TRAK1: variants seen among roughly 807,000 people sequenced by gnomAD.
The protein encoded by TRAK1 is trafficking kinesin protein 1.
In TRAK1, 33 loss-of-function variants were observed where a neutral mutation model predicts 92.1. The ratio of observed to expected loss-of-function variants is 0.36; its 90% CI spans 0.27 to 0.48. The LOEUF (loss-of-function observed/expected upper bound fraction) is 0.48. Among genes scored for constraint, TRAK1 ranks in the 20% least tolerant of loss-of-function variants. TRAK1 has a pLI of 0.99. For synonymous variants in TRAK1, 521 were observed against 517.3 expected (o/e 1.01, Z -0.10); for missense variants, 1,123 against 1,257.9 (o/e 0.89, Z 1.62).
At chr3:42,208,088 C>T (rs914906157) in intron 13 of TRAK1, among the ~76,000 whole-genome samples, 2 of 152,174 alleles carry the variant, frequency 1.3e-5, no homozygotes, top group Admixed American at 1.3e-4. Context: ...TTGAGAACAC[C>T]GCTCTAGATG....
chr3:42,156,999 C>G (rs1206828023), intron 2 of TRAK1, among the ~76,000 whole-genome samples: 1 of 151,542 alleles, frequency 6.6e-6, no homozygotes, highest in Non-Finnish European at 1.5e-5. Context: ...ACTAAAAATA[C>G]AAAATTAGCC....
intron 15 of TRAK1, 108 bp from the exon 16 acceptor site, chr3:42,222,834 C>T: frequency 2.5e-6 from 3 of 1,179,704 alleles, no homozygotes; most frequent in Non-Finnish European, 1.2e-6. Context: ...GGAACCCTCT[C>T]ATCGTGTCCT....
At chr3:42,163,654 T>G (rs35966635) in intron 2 of TRAK1, among the ~76,000 whole-genome samples, 14,766 of 151,958 alleles carry the variant, frequency 0.097, 883 homozygotes, top group Non-Finnish European at 0.13. Context: ...CCAAGCAAGC[T>G]GGGTTTTAAC....
intron 1 of TRAK1, among the ~76,000 whole-genome samples, chr3:42,072,248 GTCTC>G (rs1703962883): frequency 6.6e-6 from 1 of 152,120 alleles, no homozygotes; most frequent in Non-Finnish European, 1.5e-5. Context: ...TGGGAGTGCT[GTCTC>G]TCTCGGGAGT....
chr3:42,201,541 T>C (rs1038695632), intron 12 of TRAK1, among the ~76,000 whole-genome samples: 9 of 152,128 alleles, frequency 5.9e-5, no homozygotes, highest in African/African-American at 1.9e-4. Flanking sequence ...TGATATGATA[T>C]TTTAATCAGC....
intron 1 of TRAK1, among the ~76,000 whole-genome samples, chr3:42,014,730 C>T (rs575282877): frequency 2.6e-5 from 4 of 152,026 alleles, no homozygotes; most frequent in Admixed American, 6.5e-5. Context: ...TTTTAGAACC[C>T]GTGGCTGCAC....
chr3:42,165,911 C>A (rs1701805057), intron 2 of TRAK1, among the ~76,000 whole-genome samples: 1 of 152,076 alleles, frequency 6.6e-6, no homozygotes, highest in Non-Finnish European at 1.5e-5. Flanking sequence ...CCAAGGCTGG[C>A]CATGGACAAA....
chr3:42,096,035 C>A (rs1486807038), intron 1 of TRAK1, among the ~76,000 whole-genome samples: 1 of 152,176 alleles, frequency 6.6e-6, no homozygotes, highest in East Asian at 1.9e-4. Flanking sequence ...ACTTGTCAGT[C>A]CCCAAAGCTG....
At position 42,191,539 on chromosome 3, in the gene TRAK1, A is replaced by G. The variant is rs1705739797; in HGVS notation, c.691-19A>G. ...GCCAGGTGAGAATGTGGGGCCTCTGACCTGGGTCTTGTCTACAGGCCAGCC... is the reference window on the plus strand; with the variant it reads ...GCCAGGTGAGAATGTGGGGCCTCTGGCCTGGGTCTTGTCTACAGGCCAGCC... On this transcript the variant is annotated intron_variant, in intron 6 of 15. Transcript: ENST00000327628. 1 of 1,575,710 alleles carries G rather than the reference A, an allele frequency of 6.3e-7. No homozygotes were observed. The highest frequency in any genetic ancestry group is 1.3e-5 in the African/African-American group (1 of 74,186).
chr3:42,028,605 A>G (rs138894451), intron 1 of TRAK1, among the ~76,000 whole-genome samples: 121 of 152,304 alleles, frequency 7.9e-4, no homozygotes, highest in African/African-American at 2.6e-3. Context: ...GAACATATGG[A>G]GGAAAAGCTT....
At chr3:42,031,501 G>A (rs1405740355) in intron 1 of TRAK1, among the ~76,000 whole-genome samples, 1 of 129,936 alleles carries the variant, frequency 7.7e-6, no homozygotes, top group Non-Finnish European at 1.7e-5. Flanking sequence ...AGGCATGGTG[G>A]TGTGCGCCTG....
intron 15 of TRAK1, 58 bp downstream of exon 15, chr3:42,219,654 C>A (rs1303655300): frequency 2.5e-6 from 4 of 1,588,054 alleles, no homozygotes; most frequent in Non-Finnish European, 3.5e-6. Flanking sequence ...GCACTCCCTT[C>A]CCTGCAAGGC....
intron 1 of TRAK1, among the ~76,000 whole-genome samples, chr3:42,121,224 G>A (rs1709806405): frequency 6.6e-6 from 1 of 151,560 alleles, no homozygotes; most frequent in Non-Finnish European, 1.5e-5. Context: ...GGTCTGGCTT[G>A]ATGTTTGGCA....
At chr3:42,166,082 T>C (rs766718827) in intron 2 of TRAK1, among the ~76,000 whole-genome samples, 1 of 152,144 alleles carries the variant, frequency 6.6e-6, no homozygotes, top group Non-Finnish European at 1.5e-5. Flanking sequence ...CTCTGTGTTA[T>C]GCCAGTTTAT....
chr3:42,138,882 T>G (rs905218987), intron 2 of TRAK1, among the ~76,000 whole-genome samples: 27 of 118,630 alleles, frequency 2.3e-4, no homozygotes, highest in Non-Finnish European at 4.3e-4. Flanking sequence ...AGGGGGTGTG[T>G]GTGTGTGTGT....
Position 42,223,212 on chromosome 3 carries a change from C to G in TRAK1, c.2337C>G (p.Pro779=), listed in dbSNP as rs1195064927. The G allele has an allele frequency of 1.9e-6, 3 of 1,614,078 alleles. No individual in the cohort carries two copies. The highest frequency in any genetic ancestry group is 2.5e-6 in the Non-Finnish European group (3 of 1,180,040). The change falls in exon 16 of 16, where the codon CCC becomes CCG. Residue 779 remains proline (P), a synonymous_variant. Coordinates refer to ENST00000327628, the MANE Select transcript of TRAK1 (RefSeq NM_001042646.3). This position sits in a 1 kb window ranked among gnomAD's most constrained non-coding sequence, Gnocchi z 6.1. ...ACACGCCCAAGATGGCTGTGATCCCCTCTACTCCGCCGAACTCGCCTATGC... is the reference window on the plus strand; with the variant it reads ...ACACGCCCAAGATGGCTGTGATCCCGTCTACTCCGCCGAACTCGCCTATGC... ...HSYTPKMAVI[P]STPPNSPMQT...
intron 4 of TRAK1, among the ~76,000 whole-genome samples, chr3:42,185,325 A>T (rs1386418929): frequency 6.6e-6 from 1 of 152,246 alleles, no homozygotes; most frequent in African/African-American, 2.4e-5. Context: ...TGTGTGTGTA[A>T]AACAAAACAA....
At chr3:42,112,735 C>CA (rs774716012) in intron 1 of TRAK1, among the ~76,000 whole-genome samples, 7,254 of 54,472 alleles carry the variant, frequency 0.13, 347 homozygotes, top group Non-Finnish European at 0.22. Context: ...GACTCTGTCT[C>CA]AAAAAAAAAA....
intron 1 of TRAK1, among the ~76,000 whole-genome samples, chr3:42,071,352 C>A (rs1703923600): frequency 6.6e-6 from 1 of 152,138 alleles, no homozygotes; most frequent in Admixed American, 6.5e-5. Context: ...GGATAAGGTT[C>A]ATTCCTAATC....
Sources: allele counts gnomAD v4.1 joint callset (sites outside exome capture counted in the v4.1 genomes callset), GRCh38; gene constraint gnomAD v4.1.1; non-coding constraint Gnocchi (gnomAD v3.1); transcripts MANE v1.5; gene names NCBI Gene and HGNC (gene_info 2026-07-23, HGNC 2026-07-21).